Variants in CCDC3 observed in about 807,000 individuals in gnomAD.
CCDC3 encodes the protein coiled-coil domain containing 3, also known as coiled-coil domain-containing protein 3.
A neutral mutation model predicts 21.4 loss-of-function variants in CCDC3; 24 were observed. That is an observed-to-expected ratio of 1.12 (90% CI 0.81 to 1.58). The LOEUF is 1.58. Among genes scored for constraint, CCDC3 ranks in the 40% most tolerant of loss-of-function variants. CCDC3 has a pLI of 0.00. For synonymous variants in CCDC3, 186 were observed against 166.0 expected (o/e 1.12, Z -0.93); for missense variants, 425 against 360.9 (o/e 1.18, Z -1.44).
At chr10:13,066,865 T>C (rs1017318798) in intron 4 of CCDC3, among the ~76,000 whole-genome samples, 1 of 152,198 alleles carries the variant, frequency 6.6e-6, no homozygotes, top group South Asian at 2.1e-4. Context: ...CTTTGCTGAG[T>C]TTTTTTGTTT....
At chr10:13,082,338 A>G (rs1374905682) in intron 3 of CCDC3, among the ~76,000 whole-genome samples, 1 of 152,242 alleles carries the variant, frequency 6.6e-6, no homozygotes, top group Non-Finnish European at 1.5e-5. Context: ...GAGAGAGGAC[A>G]CAGCTTACGC....
At chr10:12,958,382 G>A (rs2580889) in intron 2 of CCDC3, among the ~76,000 whole-genome samples, 150,787 of 152,212 alleles carry the variant, frequency 0.99, 74,708 homozygotes, top group East Asian at 1. Context: ...AAAACCAGAC[G>A]ACCTGAGCCA....
At chr10:12,977,601 G>A (rs567248175) in intron 2 of CCDC3, among the ~76,000 whole-genome samples, 80 of 152,290 alleles carry the variant, frequency 5.3e-4, no homozygotes, top group African/African-American at 1.8e-3. Context: ...GTGGGGAGGG[G>A]CTGAAGAAAT....
intron 2 of CCDC3, among the ~76,000 whole-genome samples, chr10:12,904,951 T>A (rs1253623092): frequency 2.0e-5 from 3 of 152,096 alleles, no homozygotes; most frequent in African/African-American, 4.8e-5. Flanking sequence ...TATGTTTTTT[T>A]AAAAAAATAT....
chr10:13,060,235 T>G (rs1836738601), intron 4 of CCDC3, among the ~76,000 whole-genome samples: 1 of 152,168 alleles, frequency 6.6e-6, no homozygotes, highest in Non-Finnish European at 1.5e-5. Flanking sequence ...CTCAACCCCA[T>G]GGAAGACGTG....
chr10:12,923,976 C>T (rs1834495072), intron 2 of CCDC3, among the ~76,000 whole-genome samples: 1 of 152,186 alleles, frequency 6.6e-6, no homozygotes, highest in African/African-American at 2.4e-5. Flanking sequence ...CGGAACTTCA[C>T]CTTTGATAGG....
chr10:13,058,298 C>G, intron 4 of CCDC3: 1 of 1,366,514 alleles, frequency 7.3e-7, no homozygotes. Context: ...GTATTCATCG[C>G]CAGTCACCTT....
chr10:12,984,243 G>A (rs1197666440), intron 2 of CCDC3, among the ~76,000 whole-genome samples: 1 of 152,082 alleles, frequency 6.6e-6, no homozygotes, highest in Non-Finnish European at 1.5e-5. Flanking sequence ...TTGGACAAAG[G>A]ACTTGAATAG....
chr10:12,920,881 G>C (rs1350443727), intron 2 of CCDC3, among the ~76,000 whole-genome samples: 1 of 152,212 alleles, frequency 6.6e-6, no homozygotes, highest in Non-Finnish European at 1.5e-5. Flanking sequence ...CTCCATGGTA[G>C]ACTGACTACC....
At chr10:13,083,380 C>A (rs1160457588) in intron 3 of CCDC3, among the ~76,000 whole-genome samples, 1 of 152,178 alleles carries the variant, frequency 6.6e-6, no homozygotes, top group African/African-American at 2.4e-5. Flanking sequence ...GAGGAGGGAA[C>A]CGTAGAAAGT....
intron 2 of CCDC3, among the ~76,000 whole-genome samples, chr10:12,981,584 T>C (rs1193126747): frequency 6.6e-6 from 1 of 152,126 alleles, no homozygotes; most frequent in African/African-American, 2.4e-5. Flanking sequence ...AGAAAAGTGA[T>C]AAAAATTCAG....
At chr10:12,913,183 A>G (rs1282565724) in intron 2 of CCDC3, among the ~76,000 whole-genome samples, 1 of 152,214 alleles carries the variant, frequency 6.6e-6, no homozygotes, top group African/African-American at 2.4e-5. Context: ...CTCTGGTAGT[A>G]TAGACACTTT....
intron 2 of CCDC3, among the ~76,000 whole-genome samples, chr10:12,975,407 T>C (rs540564536): frequency 1.3e-5 from 2 of 152,302 alleles, no homozygotes; most frequent in East Asian, 1.9e-4. Context: ...TGGCCATTCA[T>C]TCCACCTTAG....
intron 4 of CCDC3, among the ~76,000 whole-genome samples, chr10:13,059,139 G>A (rs190095432): frequency 2.5e-4 from 38 of 152,300 alleles, no homozygotes; most frequent in African/African-American, 8.4e-4. Context: ...CGCACACTTC[G>A]TAAGGGTGAT....
chr10:12,950,579 T>C (rs893152936), intron 2 of CCDC3, among the ~76,000 whole-genome samples: 5 of 152,228 alleles, frequency 3.3e-5, no homozygotes, highest in Non-Finnish European at 5.9e-5. Flanking sequence ...TTTCATACTT[T>C]GGGGTTGGTG....
intron 1 of CCDC3, among the ~76,000 whole-genome samples, chr10:13,000,337 A>T (rs953952567): frequency 2.0e-5 from 3 of 152,184 alleles, no homozygotes; most frequent in Non-Finnish European, 4.4e-5. Context: ...CAAATTTCAG[A>T]AGAATTCAGT....
chr10:12,906,027 C>T (rs566034860), intron 2 of CCDC3, among the ~76,000 whole-genome samples: 1 of 152,310 alleles, frequency 6.6e-6, no homozygotes, highest in East Asian at 1.9e-4. Context: ...TTTCCATAAA[C>T]AGGTTGGAAA....
rs1415687898 is a variant in CCDC3, at chr10:13,001,674, G to A, written c.-104C>T. 6 of 771,038 alleles carry A rather than the reference G, an allele frequency of 7.8e-6. No homozygotes were observed. The highest frequency in any genetic ancestry group is 8.0e-6 in the Non-Finnish European group (5 of 624,840). 47.8% of individuals were successfully genotyped at this position (771,038 alleles called of 1,614,324 possible). ...GCTCGGCTGCTCGGGCCGCTCCCGG[G>A]AGCTGAGCGCACCGCTGTCTCCGCC... On this transcript the variant is annotated 5_prime_UTR_variant, in exon 1 of 3. Transcript: ENST00000378825.
chr10:12,917,180 C>CTTTTTTTT (rs56054100), intron 2 of CCDC3, among the ~76,000 whole-genome samples: 35 of 58,234 alleles, frequency 6.0e-4, no homozygotes, highest in African/African-American at 2.2e-3. Flanking sequence ...ATTTCTTCTT[C>CTTTTTTTT]TTTTTTTTTT....
Sources: gnomAD v4.1 joint callset for allele counts (sites outside exome capture counted in the v4.1 genomes callset) on GRCh38, gnomAD v4.1.1 for gene constraint, MANE v1.5 for transcripts, NCBI Gene and HGNC (gene_info 2026-07-23, HGNC 2026-07-21) for gene names.